Variants in EDAR observed in about 807,000 individuals in gnomAD.
EDAR encodes the protein tumor necrosis factor receptor superfamily member EDAR.
EDAR carries 38 observed loss-of-function variants against 51.3 expected under a neutral mutation model. The ratio of observed to expected loss-of-function variants is 0.74; its 90% CI spans 0.57 to 0.97. EDAR has a LOEUF of 0.97. Ranked by LOEUF, EDAR falls within the 50% of genes least tolerant of loss-of-function variation. The probability of loss-of-function intolerance (pLI) is 0.00; values close to 1 mark genes in which losing one functional copy is unlikely to be tolerated. For synonymous variants in EDAR, 227 were observed against 242.1 expected, an observed-to-expected ratio of 0.94 and a Z score of 0.58; for missense variants, 528 against 595.0, an observed-to-expected ratio of 0.89 and a Z score of 1.17.
At chr2:108,910,354 T>A in intron 9 of EDAR, 106 bp downstream of exon 9, 4 of 897,158 alleles carry the variant, frequency 4.5e-6, no homozygotes, top group Non-Finnish European at 7.2e-6. Flanking sequence ...GTCCCCATAG[T>A]GTCCCAGGCT....
intron 10 of EDAR, among the ~76,000 whole-genome samples, chr2:108,906,589 G>GCTCA (rs1485154339): frequency 2.9e-4 from 44 of 152,202 alleles, no homozygotes; most frequent in African/African-American, 9.9e-4. Context: ...TGCGTCTTAG[G>GCTCA]CTCAGCTGGG....
chr2:108,961,253 G>C (rs771554216), intron 1 of EDAR, among the ~76,000 whole-genome samples: 1 of 151,828 alleles, frequency 6.6e-6, no homozygotes, highest in Non-Finnish European at 1.5e-5. Context: ...TCAGGAAAGG[G>C]AACAGTTGCC....
At position 108,911,055 on chromosome 2, in the gene EDAR, G is replaced by A. The variant is rs781419713; in HGVS notation, c.547C>T (p.His183Tyr). 6.2e-7 allele frequency: 1 copy of A among 1,614,184 alleles called. No individual in the cohort carries two copies. The highest frequency in any genetic ancestry group is 1.3e-5 in the African/African-American group (1 of 75,050). Residue 183 changes from histidine (H) to tyrosine (Y), a missense_variant, in exon 7 of 12, where the codon CAC (histidine) becomes TAC (tyrosine). Physicochemically the swap from His to Tyr is moderately conservative, Grantham distance 83. Coordinates refer to ENST00000258443, the MANE Select transcript of EDAR (RefSeq NM_022336.4). ...GCAATGATCAGGGCAGTGGCCAGGT[G>A]TCCTTGGCCTGAGAGTTCTGTGGGT... ...HAHKELSGQG[H>Y]LATALIIAMS... is the part of the protein sequence containing the mutation.
chr2:108,974,823 A>G (rs1287789869), intron 1 of EDAR, among the ~76,000 whole-genome samples: 1 of 152,188 alleles, frequency 6.6e-6, no homozygotes, highest in African/African-American at 2.4e-5. Flanking sequence ...AGCAAATGGC[A>G]GAGCTGGGGT....
Position 108,960,204 on chromosome 2 carries a change from C to T in EDAR, c.-19+28756G>A, listed in dbSNP as rs553950286. On this transcript the variant is annotated intron_variant, in intron 1 of 11. Transcript: ENST00000258443. ...TGTCCTGGCAACCACCAGTTCTCCC[C>T]GGGGCTGCAGTTTCTCTATTTGTCC... Among the ~76,000 whole-genome samples, 3 of 152,268 alleles carry T rather than the reference C, an allele frequency of 2.0e-5. 1 individual carries two copies. The highest frequency in any genetic ancestry group is 6.5e-5 in the Admixed American group (1 of 15,294).
chr2:108,983,247 C>T (rs1488347240), intron 1 of EDAR, among the ~76,000 whole-genome samples: 2 of 152,178 alleles, frequency 1.3e-5, no homozygotes, highest in Non-Finnish European at 2.9e-5. Flanking sequence ...GCTTTAGGAA[C>T]AGCCATTTTG....
At chr2:108,973,380 CAG>C (rs1214592255) in intron 1 of EDAR, among the ~76,000 whole-genome samples, 2 of 152,200 alleles carry the variant, frequency 1.3e-5, no homozygotes, top group Non-Finnish European at 2.9e-5. Flanking sequence ...GAGGGCGGTG[CAG>C]AGAGAGTGTC....
chr2:108,928,133 G>T (rs62151088), intron 4 of EDAR, among the ~76,000 whole-genome samples: 2 of 152,056 alleles, frequency 1.3e-5, no homozygotes, highest in African/African-American at 4.8e-5. Flanking sequence ...CTGCCCTCCT[G>T]CCCAGCTTGT....
In EDAR at chr2:108,923,156, T is replaced by C. The variant is rs112376617; in HGVS notation, c.442+212A>G. 1.8e-3 allele frequency among the ~76,000 whole-genome samples: 271 copies of C among 152,298 alleles called. 3 individuals are homozygous for C. The highest frequency in any genetic ancestry group is 3.6e-3 in the African/African-American group (151 of 41,554). On this transcript the variant is annotated intron_variant, in intron 5 of 11. Transcript: ENST00000258443. ...CAGGTAGCTGGTGGCCAACCTGCAC[T>C]AGAACCTCAGCCTCTGACTCAAGGC...
intron 1 of EDAR, among the ~76,000 whole-genome samples, chr2:108,937,557 TATG>T (rs1430953837): frequency 1.3e-5 from 2 of 151,408 alleles, no homozygotes; most frequent in Non-Finnish European, 2.9e-5. Context: ...GTGTGAATGT[TATG>T]TGTGTGTGTA....
chr2:108,896,852 G>A lies in EDAR; in HGVS notation c.*55C>T, dbSNP rs1558793280. 5 of 1,552,060 alleles carry A rather than the reference G, an allele frequency of 3.2e-6. No homozygotes were observed. The highest frequency in any genetic ancestry group is 3.5e-6 in the Non-Finnish European group (4 of 1,140,062). ...TCTTTTGGCACCACTCACAGCTCCA[G>A]AGCCCTCGTTGGCTCCTTGGCTTGT... On this transcript the variant is annotated 3_prime_UTR_variant, in exon 12 of 12. Coordinates refer to ENST00000258443, the MANE Select transcript of EDAR (RefSeq NM_022336.4).
intron 1 of EDAR, among the ~76,000 whole-genome samples, chr2:108,956,213 G>T (rs945296584): frequency 6.6e-6 from 1 of 152,064 alleles, no homozygotes; most frequent in African/African-American, 2.4e-5. Flanking sequence ...TGTCCTTCAG[G>T]CTGGTTCCCA....
intron 1 of EDAR, among the ~76,000 whole-genome samples, chr2:108,938,817 T>A (rs1697527705): frequency 8.6e-6 from 1 of 116,882 alleles, no homozygotes; most frequent in African/African-American, 3.4e-5. Flanking sequence ...AGAGTCTTGC[T>A]CTGTAGCCCA....
At chr2:108,919,772 C>T (rs1310700977) in intron 5 of EDAR, among the ~76,000 whole-genome samples, 4 of 152,184 alleles carry the variant, frequency 2.6e-5, no homozygotes, top group Admixed American at 6.5e-5. Context: ...AGCGAGGCTC[C>T]GTGGGGCACC....
chr2:108,911,942 C>T (rs1167731174), intron 6 of EDAR, among the ~76,000 whole-genome samples: 3 of 152,222 alleles, frequency 2.0e-5, no homozygotes, highest in Non-Finnish European at 2.9e-5. Flanking sequence ...GTCTGGATGA[C>T]ATAAGTGTTT....
intron 5 of EDAR, among the ~76,000 whole-genome samples, chr2:108,915,718 GA>G (rs1273102490): frequency 6.6e-6 from 1 of 152,008 alleles, no homozygotes; most frequent in Admixed American, 6.5e-5. Flanking sequence ...CCAACATGGT[GA>G]AACCCCAACT....
Position 108,894,709 on chromosome 2 carries a change from T to TAA in EDAR, c.*2196_*2197dup, listed in dbSNP as rs1034995068. 1 of 152,332 alleles carries TAA rather than the reference T, an allele frequency of 6.6e-6. No individual in the cohort carries two copies. The highest frequency in any genetic ancestry group is 1.5e-5 in the Non-Finnish European group (1 of 68,022). The allele number at this position is 152,332 out of a possible 1,614,324, so 9.4% of individuals were successfully genotyped here. ...TATGATCTCATTGTTCTGAATCCCA[T>TAA]AACATAGGCTAAAGCTTGTCAGAGT... On this transcript the variant is annotated 3_prime_UTR_variant, in exon 12 of 12. Coordinates refer to ENST00000258443, the MANE Select transcript of EDAR (RefSeq NM_022336.4).
At chr2:108,963,210 T>C (rs1300211172) in intron 1 of EDAR, among the ~76,000 whole-genome samples, 1 of 152,176 alleles carries the variant, frequency 6.6e-6, no homozygotes, top group Non-Finnish European at 1.5e-5. Context: ...AAGTTTTACA[T>C]GATGTATTCT....
At position 108,978,061 on chromosome 2, in the gene EDAR, C is replaced by T. The variant is rs17034725; in HGVS notation, c.-19+10899G>A. On this transcript the variant is annotated intron_variant, in intron 1 of 11. Coordinates refer to ENST00000258443, the MANE Select transcript of EDAR (RefSeq NM_022336.4). ...GGTTCAAAGTCGTTCTTCCTTCTCC[C>T]GACAAATGGCACTGACATAGGGAAG... 7.8e-4 allele frequency among the ~76,000 whole-genome samples: 119 copies of T among 152,288 alleles called. 1 individual carries two copies. Among genetic ancestry groups the T allele is most frequent in the African/African-American group, 2.8e-3 (116 of 41,550 alleles).
Sources: allele counts gnomAD v4.1 joint callset (sites outside exome capture counted in the v4.1 genomes callset), GRCh38; gene constraint gnomAD v4.1.1; transcripts MANE v1.5; gene names NCBI Gene and HGNC (gene_info 2026-07-23, HGNC 2026-07-21).